ADGRB3: variants seen among roughly 807,000 people sequenced by gnomAD.
The protein encoded by ADGRB3 is adhesion G protein-coupled receptor B3, also known as brain-specific angiogenesis inhibitor 3.
A neutral mutation model predicts 193.4 loss-of-function variants in ADGRB3; 37 were observed. The ratio of observed to expected loss-of-function variants is 0.19; its 90% CI spans 0.15 to 0.25. The LOEUF is 0.25. ADGRB3 is among the 10% of genes least tolerant of loss of function. The pLI, the probability that ADGRB3 is intolerant of heterozygous loss-of-function variation, is 1.00. For synonymous variants in ADGRB3, 690 were observed against 644.2 expected (o/e 1.07, Z -1.08); for missense variants, 1,637 against 1,852.9 (o/e 0.88, Z 2.14).
Position 68,740,341 on chromosome 6 carries a change from T to G in ADGRB3, c.757+100909T>G, listed in dbSNP as rs113310777. 1.3e-3 allele frequency among the ~76,000 whole-genome samples: 201 copies of G among 152,302 alleles called. 2 individuals are homozygous for G. Among genetic ancestry groups the G allele is most frequent in the African/African-American group, 4.5e-3 (187 of 41,574 alleles). ...GGGAGGCTAAGGCAGCAAGATCGCT[T>G]GAGCCCAGGAGTTGGAGACCAGCCT... On this transcript the variant is annotated intron_variant, in intron 3 of 31. Transcript: ENST00000370598.
At chr6:69,210,698 T>C (rs1407771578) in intron 17 of ADGRB3, among the ~76,000 whole-genome samples, 1 of 152,138 alleles carries the variant, frequency 6.6e-6, no homozygotes, top group Non-Finnish European at 1.5e-5. Context: ...CTTAATCATT[T>C]CTTAAAGGTC....
intron 3 of ADGRB3, among the ~76,000 whole-genome samples, chr6:68,902,470 C>T (rs950162715): frequency 6.6e-6 from 1 of 151,946 alleles, no homozygotes; most frequent in African/African-American, 2.4e-5. Context: ...GGAATATTGA[C>T]TGCTGTCCTC....
chr6:69,344,072 A>G (rs571786574), intron 26 of ADGRB3, among the ~76,000 whole-genome samples: 1 of 152,344 alleles, frequency 6.6e-6, no homozygotes, highest in Admixed American at 6.5e-5. Context: ...GCCTGGCTCT[A>G]AGACAGTCTT....
At chr6:69,252,417 G>T (rs539470336) in intron 20 of ADGRB3, among the ~76,000 whole-genome samples, 50 of 152,152 alleles carry the variant, frequency 3.3e-4, no homozygotes, top group African/African-American at 1.2e-3. Flanking sequence ...TGGGAAAGAA[G>T]CTAGGAGTAA....
At chr6:68,777,025 AT>A (rs1440682715) in intron 3 of ADGRB3, among the ~76,000 whole-genome samples, 1 of 152,172 alleles carries the variant, frequency 6.6e-6, no homozygotes, top group Non-Finnish European at 1.5e-5. Flanking sequence ...TATAGAAAAT[AT>A]TGTAAAACAG....
chr6:68,937,271 A>G (rs565755414), intron 5 of ADGRB3, among the ~76,000 whole-genome samples: 3 of 152,316 alleles, frequency 2.0e-5, no homozygotes, highest in African/African-American at 7.2e-5. Context: ...AATGAAGCAT[A>G]ACAATAGCAT....
chr6:69,199,566 A>T (rs1765375498), intron 17 of ADGRB3, among the ~76,000 whole-genome samples: 1 of 152,154 alleles, frequency 6.6e-6, no homozygotes, highest in Non-Finnish European at 1.5e-5. Flanking sequence ...TTACTTCTAC[A>T]AGTTTCTAAA....
intron 17 of ADGRB3, among the ~76,000 whole-genome samples, chr6:69,131,554 T>C (rs1459285673): frequency 6.6e-6 from 1 of 152,110 alleles, no homozygotes; most frequent in East Asian, 1.9e-4. Context: ...TACTAAATAC[T>C]ATAAATACTA....
intron 3 of ADGRB3, among the ~76,000 whole-genome samples, chr6:68,699,555 T>A (rs2127307721): frequency 6.6e-6 from 1 of 152,096 alleles, no homozygotes. Context: ...TTATTTCTAC[T>A]CAGACAATCT....
chr6:69,055,636 C>A (rs1164650219), intron 15 of ADGRB3, among the ~76,000 whole-genome samples: 2 of 151,994 alleles, frequency 1.3e-5, no homozygotes, highest in Admixed American at 6.6e-5. Context: ...TCTTTCAATT[C>A]TTTTGGACAT....
intron 17 of ADGRB3, among the ~76,000 whole-genome samples, chr6:69,213,274 C>T (rs1325474748): frequency 6.6e-6 from 1 of 152,156 alleles, no homozygotes; most frequent in Non-Finnish European, 1.5e-5. Context: ...TTGCACTTCA[C>T]TCTCACATTA....
intron 3 of ADGRB3, among the ~76,000 whole-genome samples, chr6:68,886,502 T>G (rs1765911702): frequency 1.3e-5 from 2 of 152,088 alleles, no homozygotes; most frequent in Admixed American, 6.6e-5. Context: ...CTAACAGCTT[T>G]CCAATATCAT....
chr6:69,192,367 T>G (rs1463416312), intron 17 of ADGRB3, among the ~76,000 whole-genome samples: 1 of 152,150 alleles, frequency 6.6e-6, no homozygotes, highest in East Asian at 1.9e-4. Context: ...CCCATTCTTC[T>G]GCCTGCTTTT....
chr6:69,168,052 A>T (rs1775174646), intron 17 of ADGRB3, among the ~76,000 whole-genome samples: 3 of 152,218 alleles, frequency 2.0e-5, no homozygotes, highest in South Asian at 4.1e-4. Flanking sequence ...TGGAATTTGG[A>T]TGCAGAACGG....
At chr6:68,756,290 C>T (rs781021619) in intron 3 of ADGRB3, among the ~76,000 whole-genome samples, 5 of 152,124 alleles carry the variant, frequency 3.3e-5, no homozygotes, top group Non-Finnish European at 4.4e-5. Flanking sequence ...AATTGAATAA[C>T]GCTGCTTCCT....
chr6:69,209,283 A>G (rs754564904), intron 17 of ADGRB3, among the ~76,000 whole-genome samples: 3 of 152,162 alleles, frequency 2.0e-5, no homozygotes, highest in Admixed American at 2.0e-4. Flanking sequence ...TGCCTCCAAA[A>G]TCCAAATAGG....
intron 11 of ADGRB3, among the ~76,000 whole-genome samples, chr6:68,999,499 C>T (rs947878870): frequency 2.6e-5 from 4 of 152,204 alleles, no homozygotes; most frequent in African/African-American, 4.8e-5. Context: ...CTCCTGACCT[C>T]GTGATCTGCC....
chr6:68,817,568 C>T (rs931834055), intron 3 of ADGRB3, among the ~76,000 whole-genome samples: 7 of 151,396 alleles, frequency 4.6e-5, no homozygotes, highest in Non-Finnish European at 8.8e-5. Context: ...GTTACAAGCA[C>T]TCATGCATAG....
At chr6:69,339,643 A>G in intron 26 of ADGRB3, 139 bp downstream of exon 26, 1 of 1,084,856 alleles carries the variant, frequency 9.2e-7, no homozygotes, top group Non-Finnish European at 1.3e-6. Context: ...TCAAAGCTGA[A>G]GGAATGCTTT....
Sources: gnomAD v4.1 joint callset for allele counts (sites outside exome capture counted in the v4.1 genomes callset) on GRCh38, gnomAD v4.1.1 for gene constraint, MANE v1.5 for transcripts, NCBI Gene and HGNC (gene_info 2026-07-23, HGNC 2026-07-21) for gene names.